The following ARHGAP32 variants were observed in gnomAD, a reference collection of about 807,000 sequenced individuals.
The protein encoded by ARHGAP32 is rho GTPase-activating protein 32.
Under a neutral mutation model 186.5 loss-of-function variants are expected in ARHGAP32, and 51 were observed. The ratio of observed to expected loss-of-function variants is 0.27; its 90% CI spans 0.22 to 0.35. The LOEUF (loss-of-function observed/expected upper bound fraction) is 0.35. ARHGAP32 is among the 10% of genes least tolerant of loss of function. The probability of loss-of-function intolerance (pLI) is 1.00; values close to 1 mark genes in which losing one functional copy is unlikely to be tolerated. For missense variants in ARHGAP32, 2,186 were observed against 2,623.5 expected, an observed-to-expected ratio of 0.83 and a Z score of 3.64; for synonymous variants, 950 against 964.3, an observed-to-expected ratio of 0.99 and a Z score of 0.27.
intron 1 of ARHGAP32, among the ~76,000 whole-genome samples, chr11:129,244,793 T>C (rs1038329051): frequency 6.6e-6 from 1 of 152,038 alleles, no homozygotes; most frequent in African/African-American, 2.4e-5. Flanking sequence ...GCAAAGGACA[T>C]AAACAGACAC....
intron 11 of ARHGAP32, among the ~76,000 whole-genome samples, chr11:129,034,783 G>C (rs1405388150): frequency 7.4e-5 from 11 of 147,956 alleles, no homozygotes; most frequent in African/African-American, 2.5e-4. Context: ...TCGTGCCACT[G>C]CACTCTGGCC....
intron 1 of ARHGAP32, among the ~76,000 whole-genome samples, chr11:129,212,058 G>A (rs896874939): frequency 6.6e-6 from 1 of 152,080 alleles, no homozygotes; most frequent in Non-Finnish European, 1.5e-5. Context: ...GGGGGACTGA[G>A]GTGGAAGGAT....
At chr11:129,266,317 G>A (rs1209310008) in intron 1 of ARHGAP32, among the ~76,000 whole-genome samples, 1 of 152,132 alleles carries the variant, frequency 6.6e-6, no homozygotes, top group Non-Finnish European at 1.5e-5. Context: ...TACTCTTTCA[G>A]GTGGACCAAG....
chr11:129,079,200 CA>C (rs764479131), intron 6 of ARHGAP32, among the ~76,000 whole-genome samples: 5 of 152,160 alleles, frequency 3.3e-5, no homozygotes, highest in Non-Finnish European at 7.3e-5. Flanking sequence ...AGGGAACAGT[CA>C]AGGAAAACTT....
At chr11:129,098,430 T>A (rs1941794842) in intron 5 of ARHGAP32, among the ~76,000 whole-genome samples, 1 of 151,944 alleles carries the variant, frequency 6.6e-6, no homozygotes, top group South Asian at 2.1e-4. Context: ...TTTTTCTTTT[T>A]TTTTTTGAGA....
chr11:128,985,432 A>C (rs80302903), intron 15 of ARHGAP32, among the ~76,000 whole-genome samples: 4,210 of 152,270 alleles, frequency 0.028, 174 homozygotes, highest in African/African-American at 0.085. Flanking sequence ...CTTGTCAGTA[A>C]TTGGAATTTT....
intron 11 of ARHGAP32, among the ~76,000 whole-genome samples, chr11:129,019,869 G>T (rs1938523137): frequency 6.6e-6 from 1 of 152,092 alleles, no homozygotes; most frequent in Admixed American, 6.6e-5. Flanking sequence ...GCTAAGGTAT[G>T]TGCTAGTGAA....
intron 11 of ARHGAP32, among the ~76,000 whole-genome samples, chr11:129,009,911 T>C (rs961801377): frequency 7.9e-5 from 12 of 152,236 alleles, no homozygotes; most frequent in African/African-American, 2.9e-4. Flanking sequence ...TCTGCAATGG[T>C]TGAACTAATT....
intron 1 of ARHGAP32, among the ~76,000 whole-genome samples, chr11:129,199,859 T>G (rs1944437988): frequency 6.6e-6 from 1 of 152,162 alleles, no homozygotes; most frequent in Non-Finnish European, 1.5e-5. Flanking sequence ...AATGCCAGCC[T>G]GTGAAAGCAG....
intron 1 of ARHGAP32, among the ~76,000 whole-genome samples, chr11:129,258,383 G>C (rs1164729957): frequency 6.6e-6 from 1 of 152,160 alleles, no homozygotes; most frequent in Non-Finnish European, 1.5e-5. Flanking sequence ...GCAGACCCCG[G>C]TGTTCTGATT....
intron 11 of ARHGAP32, among the ~76,000 whole-genome samples, chr11:129,032,000 C>T (rs1939135563): frequency 6.6e-6 from 1 of 152,184 alleles, no homozygotes; most frequent in African/African-American, 2.4e-5. Context: ...CACTCCATCC[C>T]CTTTCCAGCT....
At chr11:129,171,223 T>C (rs1388820045) in intron 1 of ARHGAP32, among the ~76,000 whole-genome samples, 1 of 152,260 alleles carries the variant, frequency 6.6e-6, no homozygotes, top group East Asian at 1.9e-4. Context: ...GCTTTTGGCA[T>C]TTTTGTTATG....
upstream of ARHGAP32, among the ~76,000 whole-genome samples, chr11:129,193,788 A>T (rs1029248606): frequency 7.8e-6 from 1 of 128,062 alleles, no homozygotes; most frequent in Non-Finnish European, 1.6e-5. Context: ...CTTTTCAAAA[A>T]AAATTTTTTA....
chr11:129,186,998 C>G (rs983935833), intron 1 of ARHGAP32, among the ~76,000 whole-genome samples: 1 of 152,148 alleles, frequency 6.6e-6, no homozygotes, highest in East Asian at 1.9e-4. Flanking sequence ...TATGATCTAG[C>G]CATCCCACTG....
chr11:128,969,801 G>A lies in ARHGAP32; in HGVS notation c.5412C>T (p.Ile1804=). 5 of 1,614,188 alleles carry A rather than the reference G, an allele frequency of 3.1e-6. No homozygotes were observed. Residue 1804 remains isoleucine (I), a synonymous_variant, in exon 23 of 23, where the codon ATC becomes ATT. Transcript: ENST00000682385. The surrounding 1 kb of genome is among the most constrained non-coding windows in gnomAD (Gnocchi z 4.8). ...CAGGATCTGATTTACTACGCAGATG[G>A]ATGACATAGATCCCACCCAAGTCGT... ...VQDDLGGIYV[I]HLRSKSDPGK...
intron 12 of ARHGAP32, among the ~76,000 whole-genome samples, chr11:128,992,772 A>G (rs1946095911): frequency 6.6e-6 from 1 of 152,166 alleles, no homozygotes; most frequent in African/African-American, 2.4e-5. Flanking sequence ...GGGCAACAAG[A>G]GCAAAACTCC....
rs977186090 is a variant in ARHGAP32, at chr11:129,123,060, A to G, written c.444+386T>C. 1.3e-5 allele frequency among the ~76,000 whole-genome samples: 2 copies of G among 152,134 alleles called. No homozygotes were observed. Among genetic ancestry groups the G allele is most frequent in the African/African-American group, 4.8e-5 (2 of 41,446 alleles). On this transcript the variant is annotated intron_variant, in intron 5 of 22. Coordinates refer to ENST00000682385, the MANE Select transcript of ARHGAP32 (RefSeq NM_001378024.1). This position sits in a 1 kb window ranked among gnomAD's most constrained non-coding sequence, Gnocchi z 4.6. Reference sequence around the variant, plus strand: ...CAGTAACAGTAAAAACATTTCTGAAAAAGAAGAATAAAGTGAGAACACTTT... The same window carrying G: ...CAGTAACAGTAAAAACATTTCTGAAGAAGAAGAATAAAGTGAGAACACTTT...
At chr11:129,034,631 T>C (rs1416561615) in intron 11 of ARHGAP32, among the ~76,000 whole-genome samples, 1 of 151,122 alleles carries the variant, frequency 6.6e-6, no homozygotes, top group African/African-American at 2.4e-5. Flanking sequence ...AATTGAAGAA[T>C]GTGTTAGGTG....
At chr11:129,091,799 A>G (rs1476788960) in intron 6 of ARHGAP32, among the ~76,000 whole-genome samples, 1 of 152,088 alleles carries the variant, frequency 6.6e-6, no homozygotes, top group East Asian at 1.9e-4. Context: ...AGCTTAGGAC[A>G]CCAACTTCAG....
Sources: gnomAD v4.1 joint callset for allele counts (sites outside exome capture counted in the v4.1 genomes callset) on GRCh38, gnomAD v4.1.1 for gene constraint, Gnocchi (gnomAD v3.1) non-coding constraint, MANE v1.5 for transcripts, NCBI Gene and HGNC (gene_info 2026-07-23, HGNC 2026-07-21) for gene names.